Variants in FHIT observed in about 807,000 individuals in gnomAD.
FHIT encodes the protein fragile histidine triad diadenosine triphosphatase.
A neutral mutation model predicts 17.9 loss-of-function variants in FHIT; 19 were observed. The ratio of observed to expected loss-of-function variants is 1.06; its 90% CI spans 0.74 to 1.56. FHIT has a LOEUF of 1.56. FHIT is among the 40% of genes most tolerant of loss of function. The pLI is 0.00. For synonymous variants in FHIT, 81 were observed against 69.7 expected (o/e 1.16, Z -0.81); for missense variants, 248 against 189.2 (o/e 1.31, Z -1.82).
At chr3:60,513,281 A>G (rs1017391835) in intron 5 of FHIT, among the ~76,000 whole-genome samples, 1 of 152,178 alleles carries the variant, frequency 6.6e-6, no homozygotes, top group African/African-American at 2.4e-5. Context: ...CTGAGGTTGA[A>G]ATTTTTACAT....
chr3:60,091,957 G>C (rs1044449475), intron 5 of FHIT, among the ~76,000 whole-genome samples: 3 of 152,128 alleles, frequency 2.0e-5, no homozygotes, highest in Admixed American at 6.5e-5. Flanking sequence ...TGTGAGAACA[G>C]ACAAATACAC....
intron 4 of FHIT, among the ~76,000 whole-genome samples, chr3:60,572,386 A>G (rs1452772157): frequency 6.6e-6 from 1 of 152,156 alleles, no homozygotes; most frequent in Non-Finnish European, 1.5e-5. Flanking sequence ...CTGTTTTATA[A>G]TATTTATTGT....
chr3:61,202,246 C>A (rs559826069), intron 1 of FHIT, among the ~76,000 whole-genome samples: 1 of 151,642 alleles, frequency 6.6e-6, no homozygotes, highest in African/African-American at 2.4e-5. Context: ...CGCCTCTGCC[C>A]GGCCGCCCAA....
At chr3:59,881,426 T>C (rs888524638) in intron 8 of FHIT, among the ~76,000 whole-genome samples, 4 of 152,180 alleles carry the variant, frequency 2.6e-5, no homozygotes, top group African/African-American at 9.7e-5. Context: ...CTAAAAATCA[T>C]TTTAGTGTGG....
At chr3:60,166,227 A>C (rs1701168969) in intron 5 of FHIT, among the ~76,000 whole-genome samples, 1 of 152,124 alleles carries the variant, frequency 6.6e-6, no homozygotes, top group East Asian at 1.9e-4. Context: ...AGTAGAAGAG[A>C]AGCATTAACC....
intron 5 of FHIT, among the ~76,000 whole-genome samples, chr3:60,164,469 T>C (rs932957667): frequency 2.6e-5 from 4 of 152,212 alleles, no homozygotes; most frequent in South Asian, 2.1e-4. Flanking sequence ...GTTTCCGTGA[T>C]GGATATTAGA....
chr3:60,701,290 G>A (rs9878248), intron 4 of FHIT, among the ~76,000 whole-genome samples: 17,716 of 151,930 alleles, frequency 0.12, 2,294 homozygotes, highest in African/African-American at 0.32. Context: ...TAATTGCCCA[G>A]TGGGTTCTCC....
chr3:61,042,959 A>G (rs9311790), intron 2 of FHIT, among the ~76,000 whole-genome samples: 110,532 of 152,148 alleles, frequency 0.73, 41,961 homozygotes, highest in East Asian at 0.99. Context: ...ATTAAAACAT[A>G]CAAAATTTTT....
intron 5 of FHIT, among the ~76,000 whole-genome samples, chr3:60,314,881 C>G (rs1259115917): frequency 5.3e-5 from 8 of 152,056 alleles, no homozygotes. Flanking sequence ...GTCCCAAGTT[C>G]AAGAATAGCC....
At chr3:60,376,886 G>T (rs1164006534) in intron 5 of FHIT, among the ~76,000 whole-genome samples, 1 of 152,202 alleles carries the variant, frequency 6.6e-6, no homozygotes, top group Non-Finnish European at 1.5e-5. Flanking sequence ...TGGACAGTGT[G>T]TATAAAGCTA....
At chr3:60,120,015 C>A (rs899905501) in intron 5 of FHIT, among the ~76,000 whole-genome samples, 27 of 152,172 alleles carry the variant, frequency 1.8e-4, no homozygotes, top group Admixed American at 5.9e-4. Context: ...AAAAATCAGC[C>A]TAATCAACAT....
intron 5 of FHIT, among the ~76,000 whole-genome samples, chr3:60,403,673 G>C (rs551994824): frequency 6.6e-6 from 1 of 152,168 alleles, no homozygotes; most frequent in South Asian, 2.1e-4. Flanking sequence ...GCTGCTGAGA[G>C]GCAAAGATGA....
intron 8 of FHIT, among the ~76,000 whole-genome samples, chr3:59,803,853 G>A (rs1236377171): frequency 1.3e-5 from 2 of 151,878 alleles, no homozygotes; most frequent in Non-Finnish European, 2.9e-5. Flanking sequence ...AATTAAAGAG[G>A]CACAAAAAAC....
chr3:60,502,781 A>T (rs370888744), intron 5 of FHIT, among the ~76,000 whole-genome samples: 2 of 152,280 alleles, frequency 1.3e-5, no homozygotes, highest in East Asian at 3.9e-4. Context: ...ATCACTTTAA[A>T]TTGGTGAATT....
chr3:61,035,134 T>C (rs552119728), intron 3 of FHIT, among the ~76,000 whole-genome samples: 108 of 152,208 alleles, frequency 7.1e-4, no homozygotes, highest in African/African-American at 2.5e-3. Flanking sequence ...TGACAAGGGT[T>C]TGGGGAAATG....
chr3:60,859,707 G>A (rs1453214358), intron 3 of FHIT, among the ~76,000 whole-genome samples: 1 of 133,476 alleles, frequency 7.5e-6, no homozygotes, highest in Non-Finnish European at 1.6e-5. Context: ...AACATTTGCA[G>A]TGGATTCTGA....
chr3:60,162,953 C>G (rs1701003973), intron 5 of FHIT, among the ~76,000 whole-genome samples: 1 of 152,160 alleles, frequency 6.6e-6, no homozygotes. Context: ...GCAAGTTCTT[C>G]CAGAGTACAG....
At chr3:60,492,518 T>C (rs939984800) in intron 5 of FHIT, among the ~76,000 whole-genome samples, 4 of 151,842 alleles carry the variant, frequency 2.6e-5, no homozygotes, top group Non-Finnish European at 5.9e-5. Flanking sequence ...ATTTTTTTTT[T>C]TTTTTTGAGA....
At chr3:61,038,084 T>G (rs2033342059) in intron 3 of FHIT, among the ~76,000 whole-genome samples, 1 of 152,240 alleles carries the variant, frequency 6.6e-6, no homozygotes, top group Non-Finnish European at 1.5e-5. Context: ...ATAATTGATT[T>G]AAGTAACAAT....
Sources: allele counts gnomAD v4.1 joint callset (sites outside exome capture counted in the v4.1 genomes callset), GRCh38; gene constraint gnomAD v4.1.1; transcripts MANE v1.5; gene names NCBI Gene and HGNC (gene_info 2026-07-23, HGNC 2026-07-21).